The following THOC1 variants were observed in gnomAD, a reference collection of about 807,000 sequenced individuals.
THOC1 encodes THO complex 1.
Under a neutral mutation model 97.3 loss-of-function variants are expected in THOC1, and 29 were observed. The observed-to-expected ratio is 0.30, with a 90% CI of 0.22 to 0.41. The LOEUF is 0.41. THOC1 is among the 10% of genes least tolerant of loss of function. THOC1 has a pLI of 1.00. For synonymous variants in THOC1, 255 were observed against 257.0 expected (o/e 0.99, Z 0.07); for missense variants, 529 against 761.9 (o/e 0.69, Z 3.60).
intron 4 of THOC1, among the ~76,000 whole-genome samples, chr18:262,389 T>TA (rs1912631753): frequency 1.3e-5 from 2 of 152,224 alleles, no homozygotes; most frequent in Non-Finnish European, 2.9e-5. Context: ...ATGGATAATT[T>TA]AAAAACATGT....
At chr18:233,016 C>T (rs185723050) in intron 11 of THOC1, among the ~76,000 whole-genome samples, 11 of 152,190 alleles carry the variant, frequency 7.2e-5, no homozygotes, top group South Asian at 4.2e-4. Context: ...ACTTTGCCTA[C>T]GGTATCTTTT....
At position 242,958 on chromosome 18, in the gene THOC1, A is replaced by G. The variant is rs1911957607; in HGVS notation, c.918+3366T>C. The stretch of plus-strand genomic sequence containing the variant: ...CCATGATACACGTAATGCATTACAA[A>G]TATTTTCACTTGTATATTAAGTAGT... On this transcript the variant is annotated intron_variant, in intron 11 of 20. Transcript: ENST00000261600. This position sits in a 1 kb window ranked among gnomAD's most constrained non-coding sequence, Gnocchi z 4.5. Among the ~76,000 whole-genome samples, 1 of 152,232 alleles carries G rather than the reference A, an allele frequency of 6.6e-6. No individual in the cohort carries two copies. The highest frequency in any genetic ancestry group is 2.1e-4 in the South Asian group (1 of 4,822).
At chr18:224,015 T>C (rs1314789075) in intron 16 of THOC1, 69 bp downstream of exon 16, 61 of 1,139,244 alleles carry the variant, frequency 5.4e-5, no homozygotes, top group Non-Finnish European at 7.2e-5. Flanking sequence ...GGATGGAGAG[T>C]TCTTAAAGTA....
Position 215,373 on chromosome 18 carries a change from A to ATTCTGAG in THOC1, c.1678+55_1678+56insCTCAGAA. 4 of 1,370,534 alleles carry ATTCTGAG rather than the reference A, an allele frequency of 2.9e-6. No individual in the cohort carries two copies. In the South Asian group the frequency reaches 4.8e-5, roughly 16 times the overall value. 84.9% of individuals were successfully genotyped at this position (1,370,534 alleles called of 1,614,324 possible). A position where few individuals can be genotyped will look rare whatever the true frequency, so the allele number is the denominator to read the frequency against. On this transcript the variant is annotated intron_variant, in intron 20 of 20. Coordinates refer to ENST00000261600, the MANE Select transcript of THOC1 (RefSeq NM_005131.3). Reference sequence around the variant, plus strand: ...CAAATTAAATAATGTACCTATCAACAAAGAACCCCAATCGTCTTCAATTTT... The same window carrying ATTCTGAG: ...CAAATTAAATAATGTACCTATCAACATTCTGAGAAGAACCCCAATCGTCTTCAATTTT...
In THOC1 at chr18:267,812, C is replaced by T. The variant is rs559615313; in HGVS notation, c.54+154G>A. Among the ~76,000 whole-genome samples, 3 of 152,320 alleles carry T rather than the reference C, an allele frequency of 2.0e-5. No individual in the cohort carries two copies. The South Asian group carries it at 6.2e-4, about 32-fold the overall frequency. On this transcript the variant is annotated intron_variant, in intron 1 of 20. Transcript: ENST00000261600. ...AGAAGAGGCGGGTAGTGCGTCTTTCCCTACCCCTCAACCTCCGACGGGGCC... is the reference window on the plus strand; with the variant it reads ...AGAAGAGGCGGGTAGTGCGTCTTTCTCTACCCCTCAACCTCCGACGGGGCC...
At chr18:236,501 C>G (rs1449600901) in intron 11 of THOC1, among the ~76,000 whole-genome samples, 2 of 139,448 alleles carry the variant, frequency 1.4e-5, no homozygotes, top group Non-Finnish European at 3.0e-5. Flanking sequence ...GAACTACAGG[C>G]GCCCGCTACC....
intron 11 of THOC1, among the ~76,000 whole-genome samples, chr18:236,936 CTTT>C (rs954724697): frequency 6.7e-6 from 1 of 148,304 alleles, no homozygotes; most frequent in Non-Finnish European, 1.5e-5. Context: ...GACTGTTAGG[CTTT>C]TTTTTTTCTT....
chr18:226,755 T>C (rs1339218516), intron 12 of THOC1, 46 bp downstream of exon 12: 13 of 1,445,698 alleles, frequency 9.0e-6, no homozygotes, highest in Non-Finnish European at 1.1e-5. Flanking sequence ...GTCCTTTTTT[T>C]TCTTGGCTAC....
At position 254,779 on chromosome 18, in the gene THOC1, C is replaced by T. The variant is rs1912385582; in HGVS notation, c.521-424G>A. 6.6e-6 allele frequency among the ~76,000 whole-genome samples: 1 copy of T among 151,808 alleles called. No individual in the cohort carries two copies. The highest frequency in any genetic ancestry group is 1.5e-5 in the Non-Finnish European group (1 of 67,986). On this transcript the variant is annotated intron_variant, in intron 7 of 20. Coordinates refer to ENST00000261600, the MANE Select transcript of THOC1 (RefSeq NM_005131.3). This position sits in a 1 kb window ranked among gnomAD's most constrained non-coding sequence, Gnocchi z 4.1. Reference sequence around the variant, plus strand: ...TGTTTTGCCACAGATTTGTTTTTGCCACAAACTGTGCCCATCTAAGATCTA... The same window carrying T: ...TGTTTTGCCACAGATTTGTTTTTGCTACAAACTGTGCCCATCTAAGATCTA...
At chr18:239,656 T>G (rs1204409439) in intron 11 of THOC1, among the ~76,000 whole-genome samples, 1 of 152,222 alleles carries the variant, frequency 6.6e-6, no homozygotes, top group East Asian at 1.9e-4. Flanking sequence ...TTAACATGTT[T>G]GTTCTTCATA....
At chr18:226,684 G>A (rs1256953357) in intron 12 of THOC1, 117 bp downstream of exon 12, 3 of 655,922 alleles carry the variant, frequency 4.6e-6, no homozygotes, top group Non-Finnish European at 7.8e-6. Flanking sequence ...TGCAATACAT[G>A]TGTTTTAGGG....
chr18:224,917 T>C lies in THOC1; in HGVS notation c.1208+7A>G, dbSNP rs1443642276. 2 of 1,563,740 alleles carry C rather than the reference T, an allele frequency of 1.3e-6. No individual in the cohort carries two copies. Among genetic ancestry groups the C allele is most frequent in the Admixed American group, 3.8e-5 (2 of 52,428 alleles). ...ATGTATTTACCTTTCTTTCAGTATG[T>C]ATTTACCTTTCTTTCACAAAACTTG... is the stretch of plus-strand genomic sequence containing the variant. On this transcript the variant is annotated splice_region_variant and intron_variant, in intron 15 of 20. Coordinates refer to ENST00000261600, the MANE Select transcript of THOC1 (RefSeq NM_005131.3).
At chr18:244,363 C>A (rs1162706803) in intron 11 of THOC1, 1 of 152,100 alleles carries the variant, frequency 6.6e-6, no homozygotes, top group African/African-American at 2.4e-5. Flanking sequence ...TGAAGAACAT[C>A]CTTGAGTAGT....
chr18:255,959 C>T (rs1347550481), intron 7 of THOC1, among the ~76,000 whole-genome samples: 1 of 152,206 alleles, frequency 6.6e-6, no homozygotes, highest in Non-Finnish European at 1.5e-5. Context: ...GCATGGTTTA[C>T]TGACAATTTT....
intron 14 of THOC1, 41 bp from the exon 15 acceptor site, chr18:225,035 C>A: frequency 6.4e-7 from 1 of 1,564,332 alleles, no homozygotes; most frequent in South Asian, 1.2e-5. Context: ...TAGTGGAATC[C>A]TCTGAAGTTC....
chr18:233,933 G>T (rs1189862400), intron 11 of THOC1, among the ~76,000 whole-genome samples: 1 of 152,140 alleles, frequency 6.6e-6, no homozygotes, highest in Non-Finnish European at 1.5e-5. Context: ...AAACCCATTT[G>T]GATACTGATT....
chr18:220,498 T>C, intron 17 of THOC1, among the ~76,000 whole-genome samples: 1 of 152,222 alleles, frequency 6.6e-6, no homozygotes, highest in East Asian at 1.9e-4. Context: ...AACATTCAGA[T>C]AGAGTGACTG....
chr18:230,957 G>A (rs772698989), intron 11 of THOC1, among the ~76,000 whole-genome samples: 5 of 152,194 alleles, frequency 3.3e-5, no homozygotes, highest in Non-Finnish European at 7.3e-5. Flanking sequence ...TGCCCAGGCT[G>A]TTGTGAACTC....
At chr18:227,347 G>A (rs527503255) in intron 11 of THOC1, among the ~76,000 whole-genome samples, 33 of 152,072 alleles carry the variant, frequency 2.2e-4, no homozygotes, top group Non-Finnish European at 4.3e-4. Flanking sequence ...GTAAAACTGA[G>A]GCTACTACTT....
Sources: gnomAD v4.1 joint callset for allele counts (sites outside exome capture counted in the v4.1 genomes callset) on GRCh38, gnomAD v4.1.1 for gene constraint, Gnocchi (gnomAD v3.1) non-coding constraint, MANE v1.5 for transcripts, NCBI Gene and HGNC (gene_info 2026-07-23, HGNC 2026-07-21) for gene names.